The following CLDN10 variants were observed in gnomAD, a reference collection of about 807,000 sequenced individuals.
CLDN10 encodes the protein claudin-10.
CLDN10 carries 15 observed loss-of-function variants against 22.9 expected under a neutral mutation model. That is an observed-to-expected ratio of 0.65 (90% confidence interval 0.44 to 1.01). The LOEUF is 1.01. Among genes scored for constraint, CLDN10 ranks in the 50% least tolerant of loss-of-function variants. CLDN10 has a pLI of 0.00. For missense variants in CLDN10, 247 were observed against 287.8 expected (o/e 0.86, Z 1.03); for synonymous variants, 114 against 111.4 (o/e 1.02, Z -0.15).
At chr13:95,570,299 C>A (rs999127718) in intron 3 of CLDN10, among the ~76,000 whole-genome samples, 2 of 152,128 alleles carry the variant, frequency 1.3e-5, no homozygotes, top group Non-Finnish European at 2.9e-5. Flanking sequence ...CACTTACGGC[C>A]AAGCAAACCC....
At chr13:95,570,858 G>GTGTATATATATATATA (rs60359070) in intron 3 of CLDN10, among the ~76,000 whole-genome samples, 1,494 of 119,432 alleles carry the variant, frequency 0.013, 14 homozygotes, top group East Asian at 0.021. Context: ...ATATACGTGT[G>GTGTATATATATATATA]TATATATATA....
Position 95,538,149 on chromosome 13 carries a change from A to C in CLDN10, c.215-21983A>C, listed in dbSNP as rs867150980. Reference sequence around the variant, plus strand: ...TCTGTGACCCATTGACAAACTGTTTATTTCTTTTTTTTTTTTTTTTTTTTT... The same window carrying C: ...TCTGTGACCCATTGACAAACTGTTTCTTTCTTTTTTTTTTTTTTTTTTTTT... On this transcript the variant is annotated intron_variant, in intron 1 of 4. Transcript: ENST00000376873. 7.5e-3 allele frequency among the ~76,000 whole-genome samples: 456 copies of C among 60,642 alleles called. 5 individuals carry two copies. Among genetic ancestry groups the C allele is most frequent in the African/African-American group, 0.029 (441 of 15,410 alleles). 39.8% of individuals were successfully genotyped at this position (60,642 alleles called of 152,430 possible).
At chr13:95,562,840 G>A (rs577661786) in intron 3 of CLDN10, among the ~76,000 whole-genome samples, 16 of 152,122 alleles carry the variant, frequency 1.1e-4, no homozygotes, top group African/African-American at 3.4e-4. Flanking sequence ...TCCTCAAATG[G>A]TCAAGGCTAA....
intron 1 of CLDN10, among the ~76,000 whole-genome samples, chr13:95,468,895 G>T (rs2042604130): frequency 6.6e-6 from 1 of 152,026 alleles, no homozygotes; most frequent in African/African-American, 2.4e-5. Context: ...AGGATAGAAG[G>T]TTTTTATTTA....
intron 1 of CLDN10, among the ~76,000 whole-genome samples, chr13:95,492,409 G>A (rs1012206761): frequency 5.9e-5 from 9 of 152,040 alleles, no homozygotes; most frequent in African/African-American, 1.4e-4. Flanking sequence ...GATTATGGCT[G>A]CCTCTGTTGA....
intron 1 of CLDN10, among the ~76,000 whole-genome samples, chr13:95,496,311 A>C (rs915664641): frequency 4.6e-5 from 7 of 152,234 alleles, no homozygotes; most frequent in African/African-American, 7.2e-5. Flanking sequence ...TTCCATAGTC[A>C]AAAAGTTTGA....
At chr13:95,547,701 A>T (rs1488364363) in intron 1 of CLDN10, among the ~76,000 whole-genome samples, 2 of 152,220 alleles carry the variant, frequency 1.3e-5, no homozygotes, top group African/African-American at 4.8e-5. Flanking sequence ...TGATTACATC[A>T]TCTACCCTCT....
rs150912802 is a variant in CLDN10, at chr13:95,471,358, A to ATGTGTGTGTG, written c.214+37317_214+37326dup. On this transcript the variant is annotated intron_variant, in intron 1 of 4. Transcript: ENST00000376873. ...CTTCAGCTCTGACTTATGGATATAT[A>ATGTGTGTGTG]TGTGTGTGTGTGTGTATATATATAA... 3.7e-3 allele frequency among the ~76,000 whole-genome samples: 537 copies of ATGTGTGTGTG among 144,174 alleles called. 5 individuals carry two copies. The highest frequency in any genetic ancestry group is 0.013 in the African/African-American group (515 of 39,178). The allele number at this position is 144,174 out of a possible 152,430, so 94.6% of individuals were successfully genotyped here.
At position 95,577,285 on chromosome 13, in the gene CLDN10, A is replaced by G. The variant is rs755905660; in HGVS notation, c.519A>G (p.Ile173Met). The G allele has an allele frequency of 6.2e-7, 1 of 1,614,194 alleles. No homozygotes were observed. Among genetic ancestry groups the G allele is most frequent in the South Asian group, 1.1e-5 (1 of 91,086 alleles). The change falls in exon 4 of 5, where the codon ATA (isoleucine) becomes ATG (methionine). Residue 173 changes from isoleucine to methionine, a missense_variant. Ile to Met is a conservative substitution (Grantham distance 10). Coordinates refer to ENST00000299339, the MANE Select transcript of CLDN10 (RefSeq NM_006984.5). ...FIGWAGASLC[I>M]IGGVIFCFSI... Reference sequence around the variant, plus strand: ...GATGGGCAGGAGCCTCACTGTGCATAATTGGTGGTGTCATATTTTGCTTTT... The same window carrying G: ...GATGGGCAGGAGCCTCACTGTGCATGATTGGTGGTGTCATATTTTGCTTTT...
At position 95,487,931 on chromosome 13, in the gene CLDN10, G is replaced by A. The variant is rs151132177; in HGVS notation, c.214+53884G>A. Reference sequence around the variant, plus strand: ...GGGCTCAAGTGATCCTCCTGTCTCAGCCTCCCAAAGTGCTAGGATTACAGG... The same window carrying A: ...GGGCTCAAGTGATCCTCCTGTCTCAACCTCCCAAAGTGCTAGGATTACAGG... On this transcript the variant is annotated intron_variant, in intron 1 of 4. Transcript: ENST00000376873. 3.3e-3 allele frequency among the ~76,000 whole-genome samples: 505 copies of A among 151,924 alleles called. 3 individuals are homozygous for A. The highest frequency in any genetic ancestry group is 6.8e-3 in the Middle Eastern group (2 of 292).
At chr13:95,543,717 A>G (rs2043481899) in intron 1 of CLDN10, among the ~76,000 whole-genome samples, 1 of 152,064 alleles carries the variant, frequency 6.6e-6, no homozygotes, top group African/African-American at 2.4e-5. Flanking sequence ...CTATTAGCTC[A>G]TATTTTCTAT....
At chr13:95,487,942 T>C (rs2042822280) in intron 1 of CLDN10, among the ~76,000 whole-genome samples, 2 of 151,668 alleles carry the variant, frequency 1.3e-5, no homozygotes, top group Non-Finnish European at 2.9e-5. Context: ...CCTCCCAAAG[T>C]GCTAGGATTA....
chr13:95,524,427 G>A (rs9556486), intron 1 of CLDN10, among the ~76,000 whole-genome samples: 60,976 of 152,006 alleles, frequency 0.4, 12,622 homozygotes, highest in African/African-American at 0.49. Context: ...TGGTCTTTGC[G>A]TCCGGGTTCT....
At position 95,578,078 on chromosome 13, in the gene CLDN10, C is replaced by T; in HGVS notation, c.*64C>T. 1 of 825,008 alleles carries T rather than the reference C, an allele frequency of 1.2e-6. No individual in the cohort carries two copies. Among genetic ancestry groups the T allele is most frequent in the Admixed American group, 2.5e-5 (1 of 39,830 alleles). 51.1% of individuals were successfully genotyped at this position (825,008 alleles called of 1,614,324 possible). A position where few individuals can be genotyped will look rare whatever the true frequency, so the allele number is the denominator to read the frequency against. ...AAAGCGAACTGTTCACAAAATGATC[C>T]CATCAAGGCCCTCCCATAATTAACA... On this transcript the variant is annotated 3_prime_UTR_variant, in exon 5 of 5. Transcript: ENST00000299339.
intron 1 of CLDN10, among the ~76,000 whole-genome samples, chr13:95,463,021 G>C (rs1338844303): frequency 6.6e-6 from 1 of 151,990 alleles, no homozygotes; most frequent in African/African-American, 2.4e-5. Context: ...CTTTGTGTTT[G>C]CTATGTTGGT....
intron 1 of CLDN10, among the ~76,000 whole-genome samples, chr13:95,510,085 C>T (rs1385387373): frequency 6.6e-6 from 1 of 152,228 alleles, no homozygotes; most frequent in Non-Finnish European, 1.5e-5. Context: ...CTCTCTTGAG[C>T]TTTTGCAAGC....
At chr13:95,541,282 C>T (rs1166230697) in intron 1 of CLDN10, among the ~76,000 whole-genome samples, 1 of 152,190 alleles carries the variant, frequency 6.6e-6, no homozygotes, top group Non-Finnish European at 1.5e-5. Context: ...CTGTTCTTTG[C>T]TTCTAATTAA....
At chr13:95,438,773 G>A (rs192997956) in intron 1 of CLDN10, among the ~76,000 whole-genome samples, 124 of 152,232 alleles carry the variant, frequency 8.1e-4, no homozygotes, top group Non-Finnish European at 1.5e-3. Context: ...GAGGTCAGGA[G>A]TTCAAGAGCA....
intron 3 of CLDN10, among the ~76,000 whole-genome samples, chr13:95,565,408 T>C (rs912149879): frequency 6.6e-6 from 1 of 152,196 alleles, no homozygotes; most frequent in Non-Finnish European, 1.5e-5. Context: ...AGACTTATTC[T>C]TTTTTTGTAT....
Sources: gnomAD v4.1 joint callset for allele counts (sites outside exome capture counted in the v4.1 genomes callset) on GRCh38, gnomAD v4.1.1 for gene constraint, MANE v1.5 for transcripts, NCBI Gene and HGNC (gene_info 2026-07-23, HGNC 2026-07-21) for gene names.